LPP: variants seen among roughly 807,000 people sequenced by gnomAD.
LPP encodes the protein LIM domain containing preferred translocation partner in lipoma, also known as lipoma-preferred partner.
In LPP, 38 loss-of-function variants were observed where a neutral mutation model predicts 60.4. That is an observed-to-expected ratio of 0.63 (90% CI 0.49 to 0.83). The LOEUF is 0.83. Among genes scored for constraint, LPP ranks in the 40% least tolerant of loss-of-function variants. The probability of loss-of-function intolerance (pLI) is 0.00; values close to 1 mark genes in which losing one functional copy is unlikely to be tolerated. For missense variants in LPP, 902 were observed against 783.6 expected, an observed-to-expected ratio of 1.15 and a Z score of -1.80; for synonymous variants, 328 against 290.8, an observed-to-expected ratio of 1.13 and a Z score of -1.30.
rs1407365122 is a variant in LPP at position 188,887,302 on chromosome 3, A to G, written c.*12823A>G. On this transcript the variant is annotated 3_prime_UTR_variant, in exon 12 of 12. Transcript: ENST00000617246. ...GGGAGACGTTAAGTATAAAAGGGAA[A>G]AAGTCAGTTCCTTCTTCTCTCTCTT... 4.6e-6 allele frequency: 1 copy of G among 217,762 alleles called. No homozygotes were observed. The highest frequency in any genetic ancestry group is 9.2e-6 in the Non-Finnish European group (1 of 108,338). 13.5% of individuals were successfully genotyped at this position (217,762 alleles called of 1,614,324 possible). A position where few individuals can be genotyped will look rare whatever the true frequency, so the allele number is the denominator to read the frequency against.
At chr3:188,530,008 G>A (rs1350727273) in intron 6 of LPP, among the ~76,000 whole-genome samples, 1 of 152,206 alleles carries the variant, frequency 6.6e-6, no homozygotes, top group African/African-American at 2.4e-5. Context: ...GAGCTAACTT[G>A]GCTTAAAGTG....
At chr3:188,597,604 CT>C (rs980513260) in intron 6 of LPP, among the ~76,000 whole-genome samples, 19 of 152,208 alleles carry the variant, frequency 1.2e-4, no homozygotes, top group African/African-American at 4.6e-4. Context: ...TAACTCAGAA[CT>C]TTTAAAATTA....
intron 4 of LPP, among the ~76,000 whole-genome samples, chr3:188,463,935 C>A (rs990355793): frequency 6.6e-6 from 1 of 152,202 alleles, no homozygotes; most frequent in East Asian, 1.9e-4. Context: ...TGCTTTTTAC[C>A]TTGCATTATA....
intron 8 of LPP, among the ~76,000 whole-genome samples, chr3:188,713,769 C>T (rs1712623232): frequency 1.3e-5 from 2 of 152,228 alleles, no homozygotes; most frequent in South Asian, 2.1e-4. Context: ...TAAAAGTGTA[C>T]TGAAGCCTGT....
At position 188,675,837 on chromosome 3, in the gene LPP, C is replaced by T. The variant is rs142872014; in HGVS notation, c.1114-32430C>T. Among the ~76,000 whole-genome samples, 189 of 152,238 alleles carry T rather than the reference C, an allele frequency of 1.2e-3. 3 individuals are homozygous for T. The highest frequency in any genetic ancestry group is 4.2e-3 in the African/African-American group (174 of 41,546). On this transcript the variant is annotated intron_variant, in intron 7 of 11. Transcript: ENST00000617246. ...TTCTTTTTCCTCAGAAATGTTGAAG[C>T]CTGACTTTGTTATAGAAAGCACCCA...
intron 6 of LPP, among the ~76,000 whole-genome samples, chr3:188,561,098 G>T (rs552319688): frequency 5.7e-4 from 87 of 152,158 alleles, no homozygotes; most frequent in African/African-American, 2.0e-3. Context: ...GACAAATCTG[G>T]TTTTTCTTGC....
chr3:188,855,193 A>G (rs1291894380), intron 9 of LPP, among the ~76,000 whole-genome samples: 1 of 152,218 alleles, frequency 6.6e-6, no homozygotes, highest in Non-Finnish European at 1.5e-5. Flanking sequence ...TTTCTTTAAA[A>G]GATATATTCT....
In LPP at chr3:188,252,057, TATATATATATATATATATAC is replaced by T. The variant is rs1354306088; in HGVS notation, c.-67+26532_-67+26551del. Among the ~76,000 whole-genome samples, 88 of 99,464 alleles carry T rather than the reference TATATATATATATATATATAC, an allele frequency of 8.8e-4. 1 individual carries two copies. Among genetic ancestry groups the T allele is most frequent in the African/African-American group, 3.7e-3 (81 of 22,144 alleles). 65.3% of individuals were successfully genotyped at this position (99,464 alleles called of 152,430 possible). A position where few individuals can be genotyped will look rare whatever the true frequency, so the allele number is the denominator to read the frequency against. On this transcript the variant is annotated intron_variant, in intron 2 of 11. Transcript: ENST00000617246. ...ATATATATATATATATATATATATA[TATATATATATATATATATAC>T]ACACACACACACACATATATCAGAT...
intron 7 of LPP, among the ~76,000 whole-genome samples, chr3:188,686,067 C>G (rs1342120789): frequency 1.3e-5 from 2 of 152,088 alleles, no homozygotes; most frequent in African/African-American, 4.8e-5. Flanking sequence ...CCTCTCTAAT[C>G]CCAGATTTCC....
intron 2 of LPP, among the ~76,000 whole-genome samples, chr3:188,327,907 A>C (rs1226660482): frequency 7.2e-5 from 11 of 152,204 alleles, no homozygotes; most frequent in Non-Finnish European, 1.2e-4. Flanking sequence ...ATATTCAAAA[A>C]AGTAAGAAAT....
intron 9 of LPP, among the ~76,000 whole-genome samples, chr3:188,788,376 C>G (rs1440465355): frequency 6.6e-6 from 1 of 152,192 alleles, no homozygotes; most frequent in Non-Finnish European, 1.5e-5. Flanking sequence ...TGTAGCTTTC[C>G]CATCTCCATC....
chr3:188,292,040 C>A (rs1259754043), intron 2 of LPP, among the ~76,000 whole-genome samples: 1 of 152,108 alleles, frequency 6.6e-6, no homozygotes, highest in Non-Finnish European at 1.5e-5. Flanking sequence ...TGATTTGATA[C>A]CATCTTGTTT....
intron 7 of LPP, among the ~76,000 whole-genome samples, chr3:188,640,894 T>C (rs549362992): frequency 1.5e-3 from 224 of 152,344 alleles, no homozygotes; most frequent in African/African-American, 5.3e-3. Context: ...CTATTTGTAT[T>C]ATTCTCCAAA....
chr3:188,211,688 C>T (rs962242794), intron 1 of LPP, among the ~76,000 whole-genome samples: 1 of 152,184 alleles, frequency 6.6e-6, no homozygotes, highest in Non-Finnish European at 1.5e-5. Context: ...CAACAGTGTT[C>T]TCTTGAGAGT....
At chr3:188,218,766 A>T (rs887042642) in intron 1 of LPP, among the ~76,000 whole-genome samples, 2 of 152,210 alleles carry the variant, frequency 1.3e-5, no homozygotes. Context: ...GCACAGTGAG[A>T]TAAGTGCTAT....
chr3:188,493,221 C>G (rs553134946), intron 5 of LPP, among the ~76,000 whole-genome samples: 3 of 152,212 alleles, frequency 2.0e-5, no homozygotes, highest in Admixed American at 1.3e-4. Flanking sequence ...ATTTGCTTTA[C>G]TTCAGTATTG....
At chr3:188,458,014 T>C (rs13088114) in intron 4 of LPP, among the ~76,000 whole-genome samples, 13,381 of 152,216 alleles carry the variant, frequency 0.088, 877 homozygotes, top group East Asian at 0.28. Context: ...AGCTGATACA[T>C]GGAGCAGCAG....
chr3:188,450,542 C>A (rs867311436), intron 4 of LPP, among the ~76,000 whole-genome samples: 2 of 151,936 alleles, frequency 1.3e-5, no homozygotes, highest in African/African-American at 4.8e-5. Context: ...GTCATGAGTT[C>A]GAGACCAGCC....
intron 7 of LPP, chr3:188,688,680 A>G (rs530784028): frequency 4.6e-6 from 2 of 430,638 alleles, no homozygotes; most frequent in Admixed American, 6.5e-5. Context: ...ATGAAGGGCA[A>G]CATCTAAATA....
Sources: allele counts gnomAD v4.1 joint callset (sites outside exome capture counted in the v4.1 genomes callset), GRCh38; gene constraint gnomAD v4.1.1; transcripts MANE v1.5; gene names NCBI Gene and HGNC (gene_info 2026-07-23, HGNC 2026-07-21).